Variants in FBXW4 observed in about 807,000 individuals in gnomAD.
FBXW4 encodes F-box/WD repeat-containing protein 4.
Under a neutral mutation model 61.8 loss-of-function variants are expected in FBXW4, and 40 were observed. The observed-to-expected ratio is 0.65, with a 90% CI of 0.50 to 0.84. The LOEUF (loss-of-function observed/expected upper bound fraction) is 0.84. FBXW4 is among the 40% of genes least tolerant of loss of function. The pLI is 0.00. For synonymous variants in FBXW4, 311 were observed against 313.8 expected (o/e 0.99, Z 0.10); for missense variants, 672 against 753.8 (o/e 0.89, Z 1.27).
At position 101,634,452 on chromosome 10, in the gene FBXW4, C is replaced by A. The variant is rs925269416; in HGVS notation, c.1236-9642G>T. ...AAATTCATCTAGAAGAGGAAAACCACAAGAATAACCCAGAAATATCTGAAA... is the reference window on the plus strand; with the variant it reads ...AAATTCATCTAGAAGAGGAAAACCAAAAGAATAACCCAGAAATATCTGAAA... On this transcript the variant is annotated intron_variant, in intron 5 of 8. Transcript: ENST00000331272. Among the ~76,000 whole-genome samples the A allele has an allele frequency of 5.6e-4, 84 of 148,942 alleles. 8 individuals are homozygous for A. The highest frequency in any genetic ancestry group is 3.0e-4 in the Non-Finnish European group (20 of 67,226).
intron 5 of FBXW4, among the ~76,000 whole-genome samples, chr10:101,631,801 G>A (rs1422121448): frequency 1.3e-5 from 2 of 151,948 alleles, no homozygotes; most frequent in South Asian, 2.1e-4. Flanking sequence ...CTAATTTTTT[G>A]TATTTTTAGT....
In FBXW4 at chr10:101,611,635, C is replaced by T; in HGVS notation, c.1577G>A (p.Cys526Tyr). The T allele has an allele frequency of 6.2e-7, 1 of 1,614,142 alleles. No homozygotes were observed. Among genetic ancestry groups the T allele is most frequent in the Non-Finnish European group, 8.5e-7 (1 of 1,179,992 alleles). ...GGTGGGCAGGACACTTACGTGCAGGCAGGCCCTTTGACGCCGGTCCCACAG... is the reference window on the plus strand; with the variant it reads ...GGTGGGCAGGACACTTACGTGCAGGTAGGCCCTTTGACGCCGGTCCCACAG... Reference protein sequence around the residue: ...VRLWDRRQRACLHAFPLTSTP... With the variant: ...VRLWDRRQRAYLHAFPLTSTP... The change falls in exon 8 of 9, where the codon TGC becomes TAC. Residue 526 changes from cysteine to tyrosine, a missense_variant. By Grantham distance (194) the Cys-to-Tyr change is radical. This residue lies in a region of FBXW4 where 312 missense variants were observed against 370.1 expected (regional missense o/e 0.84). Coordinates refer to ENST00000331272, the MANE Select transcript of FBXW4 (RefSeq NM_022039.4). The surrounding 1 kb of genome is among the most constrained non-coding windows in gnomAD (Gnocchi z 4.9).
chr10:101,656,047 T>C (rs1027480138), intron 5 of FBXW4, among the ~76,000 whole-genome samples: 3 of 152,180 alleles, frequency 2.0e-5, no homozygotes, highest in Non-Finnish European at 4.4e-5. Flanking sequence ...AGCCAATGCA[T>C]GTCACCTGCG....
chr10:101,611,846 G>A lies in FBXW4; in HGVS notation c.1443-77C>T. On this transcript the variant is annotated intron_variant, in intron 7 of 8. Coordinates refer to ENST00000331272, the MANE Select transcript of FBXW4 (RefSeq NM_022039.4). The surrounding 1 kb of genome is among the most constrained non-coding windows in gnomAD (Gnocchi z 4.9). ...ACCCCAGCTTTCTTGGGCCTAGAGT[G>A]GCTGAGGGGAGCGTTAAGGAGCCAT... 1.3e-6 allele frequency: 2 copies of A among 1,511,974 alleles called. No homozygotes were observed. Among genetic ancestry groups the A allele is most frequent in the Non-Finnish European group, 1.8e-6 (2 of 1,123,308 alleles). The allele number at this position is 1,511,974 out of a possible 1,614,324, so 93.7% of individuals were successfully genotyped here.
At chr10:101,677,601 T>C (rs1191549797) in intron 1 of FBXW4, among the ~76,000 whole-genome samples, 2 of 152,154 alleles carry the variant, frequency 1.3e-5, no homozygotes, top group Admixed American at 1.3e-4. Flanking sequence ...GTTTGGGTTA[T>C]ACAAGTTTAT....
chr10:101,695,059 C>G lies in FBXW4; in HGVS notation c.47G>C (p.Gly16Ala). 2.0e-6 allele frequency: 2 copies of G among 995,248 alleles called. No homozygotes were observed. The highest frequency in any genetic ancestry group is 2.4e-6 in the Non-Finnish European group (2 of 836,618). 61.7% of individuals were successfully genotyped at this position (995,248 alleles called of 1,614,324 possible). A position where few individuals can be genotyped will look rare whatever the true frequency, so the allele number is the denominator to read the frequency against. ...CCTCGCCTCTCCGCCCTCGCCCTCG[C>G]CGGGCCCGCCGTTCCCGGGGGGCCC... The part of the protein sequence containing the change: ...RSGPPGNGGP[G>A]EGEGGEARKL... The change falls in exon 1 of 9, where the codon GGC becomes GCC. Residue 16 changes from glycine to alanine, a missense_variant. By Grantham distance (60) the Gly-to-Ala change is moderately conservative. Coordinates refer to ENST00000331272, the MANE Select transcript of FBXW4 (RefSeq NM_022039.4). This position sits in a 1 kb window ranked among gnomAD's most constrained non-coding sequence, Gnocchi z 4.2.
At chr10:101,668,530 A>C (rs1401841896) in intron 4 of FBXW4, among the ~76,000 whole-genome samples, 1 of 152,224 alleles carries the variant, frequency 6.6e-6, no homozygotes, top group Non-Finnish European at 1.5e-5. Context: ...TTGTTTGTTG[A>C]TAATGCCCAG....
chr10:101,623,382 T>C (rs1431334169), intron 6 of FBXW4, among the ~76,000 whole-genome samples: 2 of 151,908 alleles, frequency 1.3e-5, no homozygotes, highest in African/African-American at 4.8e-5. Context: ...AACCTGTATC[T>C]CTAAAAAACA....
chr10:101,652,214 T>G (rs1310702019), intron 5 of FBXW4, among the ~76,000 whole-genome samples: 2 of 151,454 alleles, frequency 1.3e-5, no homozygotes, highest in South Asian at 4.2e-4. Flanking sequence ...TTTAGTTATA[T>G]CTCTTTAAAA....
chr10:101,650,731 C>T (rs932625574), intron 5 of FBXW4, among the ~76,000 whole-genome samples: 8 of 152,176 alleles, frequency 5.3e-5, no homozygotes, highest in Admixed American at 5.2e-4. Flanking sequence ...GCCTCTAGGG[C>T]CGAAGACCCT....
chr10:101,694,945 C>T lies in FBXW4; in HGVS notation c.161G>A (p.Ser54Asn). The change falls in exon 1 of 9, where the codon AGC becomes AAC. Residue 54 changes from serine (S) to asparagine (N), a missense_variant. This residue lies in a region of FBXW4 where 5 missense variants were observed against 19.0 expected (regional missense o/e 0.26). Transcript: ENST00000331272. This position sits in a 1 kb window ranked among gnomAD's most constrained non-coding sequence, Gnocchi z 6.0. ...KARAGQGGRG[S>N]GAEGKPGPQT... The stretch of plus-strand genomic sequence containing the variant: ...CGGCCCGGGCTTCCCTTCCGCCCCG[C>T]TTCCTCTTCCGCCTTGCCCCGCTCT... 8.1e-7 allele frequency: 1 copy of T among 1,229,312 alleles called. No homozygotes were observed. The highest frequency in any genetic ancestry group is 1.0e-6 in the Non-Finnish European group (1 of 985,740). The allele number at this position is 1,229,312 out of a possible 1,614,324, so 76.2% of individuals were successfully genotyped here.
intron 5 of FBXW4, 65 bp downstream of exon 5, chr10:101,667,821 C>T (rs767478755): frequency 2.5e-5 from 34 of 1,368,474 alleles, no homozygotes; most frequent in Non-Finnish European, 3.4e-5. Flanking sequence ...TCTAGCTCAC[C>T]TGATCTAGTA....
Position 101,624,769 on chromosome 10 carries a change from G to A in FBXW4, c.1277C>T (p.Pro426Leu), listed in dbSNP as rs1419049262. ...CCTGTTGAGGTCCCAGATTCTCAGG[G>A]GTGAGAAGTGCCCGCAACAAGCCGT... ...TGTACCGHFS[P>L]LRIWDLNSGQ... is the part of the protein sequence containing the mutation. Residue 426 changes from proline (P) to leucine (L), a missense_variant, in exon 6 of 9, where the codon CCC becomes CTC. By Grantham distance (98) the Pro-to-Leu change is moderately conservative. Around this residue, in one of 5 missense-constraint regions of FBXW4, gnomAD observed 312 missense variants for 370.1 expected, o/e 0.84. Transcript: ENST00000331272. The A allele has an allele frequency of 1.2e-6, 2 of 1,614,214 alleles. No homozygotes were observed. The highest frequency in any genetic ancestry group is 2.2e-5 in the East Asian group (1 of 44,888).
At chr10:101,678,346 T>C (rs2064437768) in intron 1 of FBXW4, among the ~76,000 whole-genome samples, 1 of 152,228 alleles carries the variant, frequency 6.6e-6, no homozygotes, top group Non-Finnish European at 1.5e-5. Context: ...CCATACAAGG[T>C]ACACTGCTTG....
At chr10:101,614,803 G>T (rs1167668208) in intron 6 of FBXW4, among the ~76,000 whole-genome samples, 1 of 152,174 alleles carries the variant, frequency 6.6e-6, no homozygotes, top group Non-Finnish European at 1.5e-5. Flanking sequence ...CTGGGAAAAG[G>T]CCCATCTCTT....
chr10:101,694,847 C>A lies in FBXW4; in HGVS notation c.259G>T (p.Gly87Ter). The A allele has an allele frequency of 7.8e-7, 1 of 1,284,450 alleles. No homozygotes were observed. The highest frequency in any genetic ancestry group is 9.8e-7 in the Non-Finnish European group (1 of 1,018,236). 79.6% of individuals were successfully genotyped at this position (1,284,450 alleles called of 1,614,324 possible). A position where few individuals can be genotyped will look rare whatever the true frequency, so the allele number is the denominator to read the frequency against. ...GCCCCTTCCTCCACGCTTCTGCCTC[C>A]CTCTGCTTCCTCCCTTGGGCATGCC... ...ARACPREEAE[G>*]GRSVEEGARG... Residue 87 changes from glycine to a stop codon, truncating the protein, a stop_gained, in exon 1 of 9, where the codon GGA becomes TGA. Coordinates refer to ENST00000331272, the MANE Select transcript of FBXW4 (RefSeq NM_022039.4). LOFTEE classifies it high-confidence loss of function. The surrounding 1 kb of genome is among the most constrained non-coding windows in gnomAD (Gnocchi z 6.0).
At chr10:101,690,331 A>ACTG (rs2064583573) in intron 1 of FBXW4, among the ~76,000 whole-genome samples, 1 of 152,194 alleles carries the variant, frequency 6.6e-6, no homozygotes, top group Non-Finnish European at 1.5e-5. Context: ...AATTTGAAAG[A>ACTG]CTGCTATATG....
intron 5 of FBXW4, among the ~76,000 whole-genome samples, chr10:101,648,509 G>A (rs1252935353): frequency 6.6e-6 from 1 of 152,120 alleles, no homozygotes; most frequent in African/African-American, 2.4e-5. Context: ...GAGCTCCGGG[G>A]CTGCAGCAGT....
chr10:101,652,123 C>T (rs528734248), intron 5 of FBXW4, among the ~76,000 whole-genome samples: 5 of 152,000 alleles, frequency 3.3e-5, no homozygotes, highest in Admixed American at 6.6e-5. Context: ...CTCCTCACTC[C>T]GCCCTCCTCA....
Sources: gnomAD v4.1 joint callset for allele counts (sites outside exome capture counted in the v4.1 genomes callset) on GRCh38, gnomAD v4.1.1 for gene constraint, gnomAD v4.1.1 regional missense constraint, Gnocchi (gnomAD v3.1) non-coding constraint, MANE v1.5 for transcripts, NCBI Gene and HGNC (gene_info 2026-07-23, HGNC 2026-07-21) for gene names.